LARP1B: variants seen among roughly 807,000 people sequenced by gnomAD.
The protein encoded by LARP1B is la-related protein 1B.
Under a neutral mutation model 114.2 loss-of-function variants are expected in LARP1B, and 76 were observed. That is an observed-to-expected ratio of 0.67 (90% CI 0.55 to 0.81). The LOEUF (loss-of-function observed/expected upper bound fraction) is 0.81. Ranked by LOEUF, LARP1B falls within the 30% of genes least tolerant of loss-of-function variation. The pLI, the probability that LARP1B is intolerant of heterozygous loss-of-function variation, is 0.00. For missense variants in LARP1B, 1,014 were observed against 1,075.8 expected (o/e 0.94, Z 0.80); for synonymous variants, 345 against 348.0 (o/e 0.99, Z 0.10).
intron 1 of LARP1B, among the ~76,000 whole-genome samples, chr4:128,070,814 C>G (rs1292469420): frequency 6.6e-6 from 1 of 151,618 alleles, no homozygotes; most frequent in Non-Finnish European, 1.5e-5. Flanking sequence ...AAAAAAATAG[C>G]TAAGGAGTGG....
intron 11 of LARP1B, among the ~76,000 whole-genome samples, chr4:128,146,026 A>G (rs1321190839): frequency 3.3e-5 from 5 of 152,226 alleles, no homozygotes; most frequent in Non-Finnish European, 7.3e-5. Flanking sequence ...CTTTAGTATT[A>G]CTTATTAAAG....
chr4:128,195,154 C>G (rs942851727), intron 15 of LARP1B, among the ~76,000 whole-genome samples: 1 of 152,054 alleles, frequency 6.6e-6, no homozygotes, highest in Non-Finnish European at 1.5e-5. Flanking sequence ...ATCCAGCTTT[C>G]TATTATATTT....
At chr4:128,214,343 G>A (rs944690829), downstream of LARP1B, among the ~76,000 whole-genome samples, 1 of 148,960 alleles carries the variant, frequency 6.7e-6, no homozygotes, top group African/African-American at 2.5e-5. Flanking sequence ...CTCCACTTCT[G>A]GGGGCAGGGC....
intron 7 of LARP1B, among the ~76,000 whole-genome samples, chr4:128,097,761 G>A (rs1041241158): frequency 1.3e-5 from 2 of 152,060 alleles, no homozygotes; most frequent in African/African-American, 4.8e-5. Context: ...TCTTCTCAGC[G>A]ACTGGGAAAA....
At chr4:128,129,877 C>G (rs181637581) in intron 11 of LARP1B, among the ~76,000 whole-genome samples, 1 of 151,962 alleles carries the variant, frequency 6.6e-6, no homozygotes, top group Non-Finnish European at 1.5e-5. Context: ...GACGGACCAT[C>G]GTCCAAAATG....
intron 11 of LARP1B, among the ~76,000 whole-genome samples, chr4:128,157,056 C>T (rs1285052000): frequency 6.6e-6 from 1 of 151,042 alleles, no homozygotes; most frequent in Non-Finnish European, 1.5e-5. Context: ...AGAAAAAAAA[C>T]AAAAGAAACA....
intron 12 of LARP1B, 74 bp downstream of exon 12, chr4:128,162,391 C>CT (rs965443715): frequency 1.1e-4 from 141 of 1,272,406 alleles, no homozygotes; most frequent in South Asian, 2.0e-4. Context: ...AAAATTGCTC[C>CT]TTTTTTTTCT....
At chr4:128,091,946 A>T (rs1394617607) in intron 7 of LARP1B, among the ~76,000 whole-genome samples, 3 of 152,226 alleles carry the variant, frequency 2.0e-5, no homozygotes, top group Non-Finnish European at 4.4e-5. Context: ...GAAAATGTTA[A>T]AAATTATTTT....
rs981838239 is a variant in LARP1B, at chr4:128,189,439, A to G, written c.2003+9927A>G. On this transcript the variant is annotated intron_variant, in intron 15 of 19. Transcript: ENST00000326639. ...GTGATTTGAGTTTCTTGTAGGCAATATATAGTTGGATCTTGTTTCTAAAAG... is the reference window on the plus strand; with the variant it reads ...GTGATTTGAGTTTCTTGTAGGCAATGTATAGTTGGATCTTGTTTCTAAAAG... Among the ~76,000 whole-genome samples, 4 of 146,000 alleles carry G rather than the reference A, an allele frequency of 2.7e-5. No homozygotes were observed. In the Admixed American group the frequency reaches 2.9e-4, roughly 10 times the overall value.
chr4:128,221,483 A>G (rs1471271790), intron 7 of LARP1B, among the ~76,000 whole-genome samples: 2 of 152,238 alleles, frequency 1.3e-5, no homozygotes, highest in Non-Finnish European at 2.9e-5. Flanking sequence ...TTTGGTTAAT[A>G]GAATGGTTTC....
At chr4:128,139,524 A>C (rs927170775) in intron 11 of LARP1B, among the ~76,000 whole-genome samples, 6 of 152,114 alleles carry the variant, frequency 3.9e-5, no homozygotes, top group African/African-American at 1.4e-4. Context: ...CCATCTCTTA[A>C]AATAGAAGAA....
rs1788425719 is a variant in LARP1B at position 128,122,770 on chromosome 4, T to G, written c.1524+582T>G. ...CTAGGGTTACTTTTTACAATCTTGTTCTAATTTTTTTTAACTTCTTGCATT... is the reference window on the plus strand; with the variant it reads ...CTAGGGTTACTTTTTACAATCTTGTGCTAATTTTTTTTAACTTCTTGCATT... On this transcript the variant is annotated intron_variant, in intron 11 of 19. Coordinates refer to ENST00000326639, the MANE Select transcript of LARP1B (RefSeq NM_018078.4). The G allele has an allele frequency of 3.4e-6, 4 of 1,176,354 alleles. No individual in the cohort carries two copies. The Admixed American group carries it at 1.7e-4, about 51-fold the overall frequency. 72.9% of individuals were successfully genotyped at this position (1,176,354 alleles called of 1,614,324 possible).
At chr4:128,132,972 T>C (rs1379815121) in intron 11 of LARP1B, among the ~76,000 whole-genome samples, 7 of 152,084 alleles carry the variant, frequency 4.6e-5, no homozygotes, top group Non-Finnish European at 8.8e-5. Context: ...ATGAGGATCA[T>C]GCAACCTAGA....
chr4:128,206,680 G>A, intron 18 of LARP1B, 143 bp downstream of exon 18: 1 of 1,377,524 alleles, frequency 7.3e-7, no homozygotes, highest in South Asian at 2.0e-5. Context: ...TCTTGATGAA[G>A]GATGGGGCAC....
At chr4:128,176,170 TTA>T (rs1006538538) in intron 12 of LARP1B, among the ~76,000 whole-genome samples, 22 of 99,470 alleles carry the variant, frequency 2.2e-4, no homozygotes, top group African/African-American at 3.6e-4. Flanking sequence ...AATATATATA[TTA>T]TATATAAATA....
chr4:128,149,764 T>G (rs1017211213), intron 11 of LARP1B, among the ~76,000 whole-genome samples: 1 of 152,126 alleles, frequency 6.6e-6, no homozygotes, highest in Non-Finnish European at 1.5e-5. Flanking sequence ...AAGGGAGACT[T>G]AAAGCAGGAA....
At chr4:128,087,860 A>G (rs1311394828) in intron 5 of LARP1B, among the ~76,000 whole-genome samples, 1 of 151,982 alleles carries the variant, frequency 6.6e-6, no homozygotes, top group Non-Finnish European at 1.5e-5. Flanking sequence ...GAGCATATAT[A>G]TATATATGCA....
At position 128,063,789 on chromosome 4, in the gene LARP1B, C is replaced by A. The variant is rs1044546386; in HGVS notation, c.-78+2388C>A. ...AGCGAAACTCCGTCTCAAAAAAAAA[C>A]ACAAAAAAACAAAACCGTATCTTTC... On this transcript the variant is annotated intron_variant, in intron 1 of 19. Transcript: ENST00000326639. Among the ~76,000 whole-genome samples, 12 of 151,576 alleles carry A rather than the reference C, an allele frequency of 7.9e-5. 1 individual carries two copies. Among genetic ancestry groups the A allele is most frequent in the South Asian group, 4.2e-4 (2 of 4,804 alleles).
At chr4:128,121,042 C>A (rs1484896003) in intron 10 of LARP1B, among the ~76,000 whole-genome samples, 1 of 151,904 alleles carries the variant, frequency 6.6e-6, no homozygotes, top group Non-Finnish European at 1.5e-5. Flanking sequence ...AACTCCTGAC[C>A]TTGTGATCCA....
Sources: gnomAD v4.1 joint callset for allele counts (sites outside exome capture counted in the v4.1 genomes callset) on GRCh38, gnomAD v4.1.1 for gene constraint, MANE v1.5 for transcripts, NCBI Gene and HGNC (gene_info 2026-07-23, HGNC 2026-07-21) for gene names.